Variants in MROH2A observed in about 807,000 individuals in gnomAD.
MROH2A encodes maestro heat like repeat family member 2A, also known as maestro heat-like repeat-containing protein family member 2A.
Under a neutral mutation model 200.4 loss-of-function variants are expected in MROH2A, and 174 were observed. The observed-to-expected ratio is 0.87, with a 90% CI of 0.77 to 0.98. The LOEUF (loss-of-function observed/expected upper bound fraction) is 0.98. Ranked by LOEUF, MROH2A falls within the 50% of genes least tolerant of loss-of-function variation. MROH2A has a pLI of 0.00. For missense variants in MROH2A, 2,045 were observed against 2,139.6 expected, an observed-to-expected ratio of 0.96 and a Z score of 0.87; for synonymous variants, 829 against 840.4, an observed-to-expected ratio of 0.99 and a Z score of 0.23.
At chr2:233,786,457 C>G (rs1701214121) in intron 3 of MROH2A, among the ~76,000 whole-genome samples, 1 of 152,236 alleles carries the variant, frequency 6.6e-6, no homozygotes, top group Non-Finnish European at 1.5e-5. Context: ...GCACCAATCC[C>G]ATGAGATTAG....
intron 24 of MROH2A, among the ~76,000 whole-genome samples, 170 bp downstream of exon 24, chr2:233,812,129 G>A (rs773355643): frequency 8.0e-5 from 12 of 150,942 alleles, no homozygotes; most frequent in Non-Finnish European, 1.6e-4. Context: ...GATGGGGGTC[G>A]GCCTCAGCCA....
chr2:233,796,318 G>A lies in MROH2A; in HGVS notation c.1252+5G>A, dbSNP rs1031254827. ...GGGCTATAGTGAGCGCAGATGGTGAGCAAGGCAGGGTGGGTGGGGTGGGCG... is the reference window on the plus strand; with the variant it reads ...GGGCTATAGTGAGCGCAGATGGTGAACAAGGCAGGGTGGGTGGGGTGGGCG... On this transcript the variant is annotated splice_donor_5th_base_variant and intron_variant, in intron 11 of 41. Transcript: ENST00000389758. 1 of 1,294,408 alleles carries A rather than the reference G, an allele frequency of 7.7e-7. No homozygotes were observed. The highest frequency in any genetic ancestry group is 1.0e-6 in the Non-Finnish European group (1 of 956,290). 80.2% of individuals were successfully genotyped at this position (1,294,408 alleles called of 1,614,324 possible). A position where few individuals can be genotyped will look rare whatever the true frequency, so the allele number is the denominator to read the frequency against.
In MROH2A at chr2:233,809,019, C is replaced by T. The variant is rs150982844; in HGVS notation, c.2296-107C>T. The stretch of plus-strand genomic sequence containing the variant: ...CCCAGAAAACAGTCAGGTGAAGCAC[C>T]GCCAGCTGACTCAATGGATCCTTTG... On this transcript the variant is annotated intron_variant, in intron 21 of 41. Coordinates refer to ENST00000389758, the MANE Select transcript of MROH2A (RefSeq NM_001394639.1). 5.5e-4 allele frequency: 706 copies of T among 1,286,072 alleles called. 11 individuals are homozygous for T. The East Asian group carries it at 0.017, about 30-fold the overall frequency. The allele number at this position is 1,286,072 out of a possible 1,614,324, so 79.7% of individuals were successfully genotyped here.
rs1500480 is a variant in MROH2A, at chr2:233,819,432, T to A, written c.3320T>A (p.Phe1107Tyr). ...HDKASVTWIA[F>Y]FLQMRAKELE... ...AAGGCCTCTGTCACCTGGATAGCCT[T>A]CTTCCTCCAGATGCGGGCCAAGGAG... The change falls in exon 30 of 42, where the codon TTC becomes TAC. Residue 1107 changes from phenylalanine (F) to tyrosine (Y), a missense_variant. Coordinates refer to ENST00000389758, the MANE Select transcript of MROH2A (RefSeq NM_001394639.1). The A allele has an allele frequency of 1.9e-6, 3 of 1,550,420 alleles. No homozygotes were observed. In the African/African-American group the frequency reaches 4.1e-5, roughly 21 times the overall value.
intron 3 of MROH2A, 90 bp from the exon 4 acceptor site, chr2:233,789,407 G>C (rs1701581624): frequency 8.1e-7 from 1 of 1,233,036 alleles, no homozygotes; most frequent in Admixed American, 3.9e-5. Context: ...TGGTGGTTTG[G>C]GTGTAGGGAA....
At position 233,807,771 on chromosome 2, in the gene MROH2A, G is replaced by T. The variant is rs1269769589; in HGVS notation, c.2211G>T (p.Gln737His). ...IMCFGLCARG[Q>H]VKTVLNVLHD... ...GCTTTGGCCTGTGTGCCCGGGGCCA[G>T]GTAAAAACGGTGCTGAATGTGCTTC... Residue 737 changes from glutamine (Q) to histidine (H), a missense_variant, in exon 21 of 42, where the codon CAG (glutamine) becomes CAT (histidine). Physicochemically the swap from Gln to His is conservative, Grantham distance 24. Coordinates refer to ENST00000389758, the MANE Select transcript of MROH2A (RefSeq NM_001394639.1). The surrounding 1 kb of genome is among the most constrained non-coding windows in gnomAD (Gnocchi z 4.3). 31 of 1,550,668 alleles carry T rather than the reference G, an allele frequency of 2.0e-5. No homozygotes were observed. Among genetic ancestry groups the T allele is most frequent in the Non-Finnish European group, 2.7e-5 (31 of 1,147,036 alleles).
In MROH2A at chr2:233,800,841, C is replaced by T. The variant is rs146674744; in HGVS notation, c.1560+526C>T. 3.5e-3 allele frequency among the ~76,000 whole-genome samples: 473 copies of T among 133,394 alleles called. 2 individuals are homozygous for T. The highest frequency in any genetic ancestry group is 0.015 in the African/African-American group (442 of 29,148). The allele number at this position is 133,394 out of a possible 152,430, so 87.5% of individuals were successfully genotyped here. ...AACTTTTAATTGCAACAAAATGTGA[C>T]GTAGCAATAAGAGGAAAAATGTACC... On this transcript the variant is annotated intron_variant, in intron 14 of 41. Coordinates refer to ENST00000389758, the MANE Select transcript of MROH2A (RefSeq NM_001394639.1).
rs927743542 is a variant in MROH2A, at chr2:233,816,895, G to C, written c.2961+10G>C. ...CAGCACTGCTGTCTGTGTGAGTCCA[G>C]GAGTCCCCAGCCCCCAGCCTGCTGC... On this transcript the variant is annotated intron_variant, in intron 27 of 41. Coordinates refer to ENST00000389758, the MANE Select transcript of MROH2A (RefSeq NM_001394639.1). 3.4e-6 allele frequency: 5 copies of C among 1,490,274 alleles called. No homozygotes were observed. The African/African-American group carries it at 7.0e-5, about 21-fold the overall frequency. 92.3% of individuals were successfully genotyped at this position (1,490,274 alleles called of 1,614,324 possible). A position where few individuals can be genotyped will look rare whatever the true frequency, so the allele number is the denominator to read the frequency against.
Position 233,799,706 on chromosome 2 carries a change from C to A in MROH2A, c.1330-74C>A, listed in dbSNP as rs964098545. 14 of 1,530,984 alleles carry A rather than the reference C, an allele frequency of 9.1e-6. No homozygotes were observed. The African/African-American group carries it at 1.4e-4, about 15-fold the overall frequency. 94.8% of individuals were successfully genotyped at this position (1,530,984 alleles called of 1,614,324 possible). On this transcript the variant is annotated intron_variant, in intron 12 of 41. Transcript: ENST00000389758. Reference sequence around the variant, plus strand: ...AGCCCAGAGCACCCCCAATTCCTAGCTCTCTATGTCACAGGATTGGGTGCC... The same window carrying A: ...AGCCCAGAGCACCCCCAATTCCTAGATCTCTATGTCACAGGATTGGGTGCC...
chr2:233,797,088 A>G (rs993123207), intron 11 of MROH2A, among the ~76,000 whole-genome samples: 5 of 152,246 alleles, frequency 3.3e-5, no homozygotes, highest in African/African-American at 1.2e-4. Context: ...ACTCAGCTCT[A>G]CCATTGCAGA....
Position 233,796,063 on chromosome 2 carries a change from G to T in MROH2A, c.1138+18G>T, listed in dbSNP as rs1449126086. ...AGCCCTTGGTGAGGCTCTGCGGCAG[G>T]GTGCTCCCTGCCTGCCCCGAGGCCT... On this transcript the variant is annotated intron_variant, in intron 10 of 41. Transcript: ENST00000389758. The T allele has an allele frequency of 6.5e-7, 1 of 1,549,462 alleles. No homozygotes were observed.
At chr2:233,829,112 G>A in intron 37 of MROH2A, 40 bp downstream of exon 37, 3 of 1,463,608 alleles carry the variant, frequency 2.0e-6, no homozygotes, top group Non-Finnish European at 2.7e-6. Context: ...GCTCAGTGAA[G>A]GAGGGGCACT....
intron 18 of MROH2A, among the ~76,000 whole-genome samples, 167 bp from the exon 19 acceptor site, chr2:233,804,837 T>A (rs1254870267): frequency 1.3e-5 from 2 of 152,024 alleles, no homozygotes; most frequent in African/African-American, 4.8e-5. Context: ...CACAGATCAT[T>A]ATTAGCACTG....
At chr2:233,819,791 C>T in intron 30 of MROH2A, 111 bp from the exon 31 acceptor site, 1 of 1,243,694 alleles carries the variant, frequency 8.0e-7, no homozygotes, top group Non-Finnish European at 1.1e-6. Flanking sequence ...CGCTTAACCT[C>T]CCCATTGTCC....
In MROH2A at chr2:233,833,280, A is replaced by G; in HGVS notation, c.*21A>G. 1 of 1,508,194 alleles carries G rather than the reference A, an allele frequency of 6.6e-7. No homozygotes were observed. The highest frequency in any genetic ancestry group is 1.3e-5 in the South Asian group (1 of 77,172). 93.4% of individuals were successfully genotyped at this position (1,508,194 alleles called of 1,614,324 possible). A position where few individuals can be genotyped will look rare whatever the true frequency, so the allele number is the denominator to read the frequency against. Reference sequence around the variant, plus strand: ...CCTAGGTGGTCCAAACATAAGACGTAAACTGTCTTCTTAGTGCCAAATGCA... The same window carrying G: ...CCTAGGTGGTCCAAACATAAGACGTGAACTGTCTTCTTAGTGCCAAATGCA... On this transcript the variant is annotated 3_prime_UTR_variant, in exon 42 of 42. Transcript: ENST00000389758.
intron 34 of MROH2A, 45 bp from the exon 35 acceptor site, chr2:233,823,511 G>A (rs1330335778): frequency 6.5e-6 from 10 of 1,531,634 alleles, no homozygotes; most frequent in African/African-American, 1.4e-5. Flanking sequence ...ACGTCAGGCA[G>A]GGGTGGGGCC....
chr2:233,819,070 C>G (rs954681605), intron 29 of MROH2A, among the ~76,000 whole-genome samples: 1 of 152,244 alleles, frequency 6.6e-6, no homozygotes, highest in Non-Finnish European at 1.5e-5. Context: ...AGGCCCTGCA[C>G]GTGGTGTGGG....
chr2:233,822,343 C>T lies in MROH2A; in HGVS notation c.3673-20C>T. 1 of 1,549,402 alleles carries T rather than the reference C, an allele frequency of 6.5e-7. No homozygotes were observed. Among genetic ancestry groups the T allele is most frequent in the Non-Finnish European group, 8.7e-7 (1 of 1,146,120 alleles). On this transcript the variant is annotated intron_variant, in intron 32 of 41. Transcript: ENST00000389758. ...GGGTCTCTGGGTAGGAGCCCGATGC[C>T]CTGGACCTTCTCTCTGCAGACCCTG...
chr2:233,814,439 T>G, intron 25 of MROH2A, 143 bp from the exon 26 acceptor site: 50 of 592,134 alleles, frequency 8.4e-5, no homozygotes, highest in East Asian at 8.9e-5. Context: ...GTACTTCACT[T>G]GAGAAAATAA....
Sources: allele counts gnomAD v4.1 joint callset (sites outside exome capture counted in the v4.1 genomes callset), GRCh38; gene constraint gnomAD v4.1.1; non-coding constraint Gnocchi (gnomAD v3.1); transcripts MANE v1.5; gene names NCBI Gene and HGNC (gene_info 2026-07-23, HGNC 2026-07-21).